Variants in MAN2A1 observed in about 807,000 individuals in gnomAD.
MAN2A1 encodes the protein mannosidase alpha class 2A member 1, also known as alpha-mannosidase 2.
In MAN2A1, 76 loss-of-function variants were observed where a neutral mutation model predicts 142.6. The ratio of observed to expected loss-of-function variants is 0.53; its 90% CI spans 0.44 to 0.65. The LOEUF (loss-of-function observed/expected upper bound fraction) is 0.65. MAN2A1 is among the 30% of genes least tolerant of loss of function. The pLI is 0.00. For missense variants in MAN2A1, 1,311 were observed against 1,365.1 expected, an observed-to-expected ratio of 0.96 and a Z score of 0.62; for synonymous variants, 559 against 473.2, an observed-to-expected ratio of 1.18 and a Z score of -2.35.
intron 12 of MAN2A1, among the ~76,000 whole-genome samples, chr5:109,796,597 G>A (rs1228336732): frequency 2.6e-5 from 4 of 151,726 alleles, no homozygotes; most frequent in Non-Finnish European, 4.4e-5. Context: ...GAAACTTAAC[G>A]ATAGATCATT....
chr5:109,852,467 A>G (rs998104947), intron 19 of MAN2A1, among the ~76,000 whole-genome samples: 2 of 152,232 alleles, frequency 1.3e-5, no homozygotes, highest in African/African-American at 4.8e-5. Context: ...TCTCACCATG[A>G]TTTAACAGGA....
chr5:109,774,843 G>A lies in MAN2A1; in HGVS notation c.1252G>A (p.Val418Ile), dbSNP rs777883083. ...GAAGTCAAAGCTTTTTCGTACCAAA[G>A]TTCTCCTGGCTCCACTAGGAGATGA... ...RKKSKLFRTK[V>I]LLAPLGDDFR... The change falls in exon 8 of 22, where the codon GTT becomes ATT. Residue 418 changes from valine (V) to isoleucine (I), a missense_variant. By Grantham distance (29) the Val-to-Ile change is conservative (BLOSUM62 3). This residue lies in a region of MAN2A1 where 890 missense variants were observed against 920.5 expected (regional missense o/e 0.97). Coordinates refer to ENST00000261483, the MANE Select transcript of MAN2A1 (RefSeq NM_002372.4). The A allele has an allele frequency of 6.2e-7, 1 of 1,612,272 alleles. No individual in the cohort carries two copies. The highest frequency in any genetic ancestry group is 1.3e-5 in the African/African-American group (1 of 74,514).
At chr5:109,821,090 C>G (rs1016725952) in intron 15 of MAN2A1, among the ~76,000 whole-genome samples, 4 of 152,126 alleles carry the variant, frequency 2.6e-5, no homozygotes, top group African/African-American at 9.7e-5. Flanking sequence ...ATGCCAGAAA[C>G]TAAAGAAAAC....
chr5:109,699,063 T>C (rs768459399), intron 1 of MAN2A1, among the ~76,000 whole-genome samples: 7 of 152,244 alleles, frequency 4.6e-5, no homozygotes, highest in Non-Finnish European at 4.4e-5. Context: ...AAAAAAGTTT[T>C]GTATTCAATT....
intron 4 of MAN2A1, among the ~76,000 whole-genome samples, chr5:109,732,654 T>G (rs1246813638): frequency 1.3e-5 from 2 of 152,160 alleles, no homozygotes; most frequent in African/African-American, 2.4e-5. Context: ...CTCAGGTTTG[T>G]CAAAGATCAG....
chr5:109,692,945 T>G (rs1279099148), intron 1 of MAN2A1, among the ~76,000 whole-genome samples: 2 of 152,150 alleles, frequency 1.3e-5, no homozygotes, highest in African/African-American at 4.8e-5. Context: ...TATGAGAATC[T>G]AATGCTGCTG....
intron 1 of MAN2A1, among the ~76,000 whole-genome samples, chr5:109,708,825 T>G (rs924513477): frequency 4.6e-5 from 7 of 152,180 alleles, no homozygotes; most frequent in Non-Finnish European, 1.0e-4. Flanking sequence ...GGCCAGGCTC[T>G]TAGAGAGGAT....
chr5:109,799,230 C>T (rs1753948506), intron 12 of MAN2A1, among the ~76,000 whole-genome samples: 1 of 152,126 alleles, frequency 6.6e-6, no homozygotes, highest in Admixed American at 6.5e-5. Context: ...TAGCTCAAAA[C>T]CCTTCTTTTT....
At chr5:109,755,899 T>C (rs1752676372) in intron 5 of MAN2A1, among the ~76,000 whole-genome samples, 1 of 152,242 alleles carries the variant, frequency 6.6e-6, no homozygotes, top group South Asian at 2.1e-4. Flanking sequence ...GGGCACTGTA[T>C]CTTTGGGCTC....
At chr5:109,785,190 A>G (rs936483341) in intron 10 of MAN2A1, among the ~76,000 whole-genome samples, 3 of 152,158 alleles carry the variant, frequency 2.0e-5, no homozygotes, top group Middle Eastern at 3.4e-3. Flanking sequence ...AGCTGATCCT[A>G]TTTTCTTCTA....
rs565942789 is a variant in MAN2A1 at position 109,866,091 on chromosome 5, C to T, written c.3283-755C>T. ...TGAACCTACTTAGATAGATTAGCTT[C>T]TACATTTCTTTTACCCTACCCTGCT... On this transcript the variant is annotated intron_variant, in intron 21 of 21. Transcript: ENST00000261483. Among the ~76,000 whole-genome samples, 10 of 152,306 alleles carry T rather than the reference C, an allele frequency of 6.6e-5. 1 individual carries two copies. The East Asian group carries it at 9.6e-4, about 15-fold the overall frequency.
intron 15 of MAN2A1, among the ~76,000 whole-genome samples, chr5:109,822,822 C>T (rs1754662641): frequency 2.0e-5 from 3 of 152,216 alleles, no homozygotes; most frequent in South Asian, 4.1e-4. Context: ...GGACTACAGG[C>T]ACCCGCCACC....
At chr5:109,817,600 T>C (rs1754500925) in intron 13 of MAN2A1, among the ~76,000 whole-genome samples, 162 bp downstream of exon 13, 1 of 152,176 alleles carries the variant, frequency 6.6e-6, no homozygotes, top group Admixed American at 6.5e-5. Flanking sequence ...CAAATGACAC[T>C]AAAGGAAAAA....
chr5:109,736,998 T>C (rs1055569706), intron 4 of MAN2A1, among the ~76,000 whole-genome samples: 1 of 152,092 alleles, frequency 6.6e-6, no homozygotes, highest in Non-Finnish European at 1.5e-5. Flanking sequence ...GTTAGAAAAA[T>C]AATTTTCAAT....
intron 1 of MAN2A1, among the ~76,000 whole-genome samples, chr5:109,696,068 T>A (rs1750802569): frequency 6.6e-6 from 1 of 152,028 alleles, no homozygotes; most frequent in Admixed American, 6.6e-5. Context: ...GTAATTATAT[T>A]TTATGCAGAC....
chr5:109,705,844 A>G (rs1008833331), intron 1 of MAN2A1, among the ~76,000 whole-genome samples: 5 of 152,186 alleles, frequency 3.3e-5, no homozygotes, highest in Admixed American at 2.0e-4. Context: ...GCCTTCCAGC[A>G]ATAGCATCAT....
chr5:109,748,403 T>C (rs902588118), intron 4 of MAN2A1, among the ~76,000 whole-genome samples: 1 of 114,224 alleles, frequency 8.8e-6, no homozygotes, highest in African/African-American at 4.4e-5. Flanking sequence ...TCTTTTGCCT[T>C]TTTTTTTTTT....
chr5:109,843,368 G>A (rs959074794), intron 17 of MAN2A1, among the ~76,000 whole-genome samples: 7 of 152,040 alleles, frequency 4.6e-5, no homozygotes, highest in African/African-American at 1.2e-4. Context: ...ACCATGGGGG[G>A]AACCACCCCC....
rs1041548877 is a variant in MAN2A1 at position 109,869,117 on chromosome 5, A to G, written c.*2119A>G. ...CTTTTTAAGGTTACTTTTAGAATAAATCATCAGGGAAACAGAGAGGATGCT... is the reference window on the plus strand; with the variant it reads ...CTTTTTAAGGTTACTTTTAGAATAAGTCATCAGGGAAACAGAGAGGATGCT... On this transcript the variant is annotated 3_prime_UTR_variant, in exon 22 of 22. Transcript: ENST00000261483. 6.6e-6 allele frequency: 1 copy of G among 152,194 alleles called. No homozygotes were observed. The highest frequency in any genetic ancestry group is 2.4e-5 in the African/African-American group (1 of 41,440). The allele number at this position is 152,194 out of a possible 1,614,324, so 9.4% of individuals were successfully genotyped here. A position where few individuals can be genotyped will look rare whatever the true frequency, so the allele number is the denominator to read the frequency against.
Sources: allele counts gnomAD v4.1 joint callset (sites outside exome capture counted in the v4.1 genomes callset), GRCh38; gene constraint gnomAD v4.1.1; regional missense constraint gnomAD v4.1.1; transcripts MANE v1.5; gene names NCBI Gene and HGNC (gene_info 2026-07-23, HGNC 2026-07-21).